The following CLEC2A variants were observed in gnomAD, a reference collection of about 807,000 sequenced individuals.
CLEC2A encodes C-type lectin domain family 2 member A.
Under a neutral mutation model 18.6 loss-of-function variants are expected in CLEC2A, and 19 were observed. The ratio of observed to expected loss-of-function variants is 1.02; its 90% CI spans 0.71 to 1.50. CLEC2A has a LOEUF of 1.50. Among genes scored for constraint, CLEC2A ranks in the 40% most tolerant of loss-of-function variants. The pLI, the probability that CLEC2A is intolerant of heterozygous loss-of-function variation, is 0.00. For missense variants in CLEC2A, 190 were observed against 207.9 expected (o/e 0.91, Z 0.53); for synonymous variants, 74 against 64.0 (o/e 1.16, Z -0.75).
intron 4 of CLEC2A, 80 bp downstream of exon 4, chr12:9,916,620 A>G: frequency 2.2e-6 from 2 of 927,076 alleles, no homozygotes; most frequent in Non-Finnish European, 3.4e-6. Flanking sequence ...ATTTGTTTAT[A>G]ATAATACAAC....
At chr12:9,897,709 A>G (rs901599150), downstream of CLEC2A, among the ~76,000 whole-genome samples, 1 of 152,088 alleles carries the variant, frequency 6.6e-6, no homozygotes, top group Non-Finnish European at 1.5e-5. Context: ...CATTCTCCCA[A>G]TGTGCAAGCA....
chr12:9,928,136 G>A (rs1435500523), intron 1 of CLEC2A, among the ~76,000 whole-genome samples: 1 of 152,174 alleles, frequency 6.6e-6, no homozygotes, highest in African/African-American at 2.4e-5. Context: ...AGAAAGTACA[G>A]TGTAAAATTA....
intron 2 of CLEC2A, among the ~76,000 whole-genome samples, chr12:9,923,338 C>T (rs1335273789): frequency 6.6e-6 from 1 of 152,206 alleles, no homozygotes; most frequent in African/African-American, 2.4e-5. Context: ...CGCTCATCAT[C>T]ACTGGCCATC....
At chr12:9,893,168 G>A in the CLEC2A span, 3 of 1,529,122 alleles carry the variant, frequency 2.0e-6, no homozygotes, top group East Asian at 7.4e-5. Context: ...TGGATGAGCT[G>A]GTGAGAAATC....
chr12:9,922,117 A>G lies in CLEC2A; in HGVS notation c.255T>C (p.Phe85=). The G allele has an allele frequency of 6.4e-7, 1 of 1,551,214 alleles. No individual in the cohort carries two copies. Among genetic ancestry groups the G allele is most frequent in the South Asian group, 1.2e-5 (1 of 83,964 alleles). Residue 85 remains phenylalanine, a synonymous_variant, in exon 3 of 5, where the codon TTT becomes TTC. Coordinates refer to ENST00000455827, the MANE Select transcript of CLEC2A (RefSeq NM_001130711.2). ...CAAGTTCTGCTTTCTGCAAACTACA[A>G]AATATTTTACTGGCTGTCCAATTTC... is the stretch of plus-strand genomic sequence containing the variant. The part of the protein sequence containing the change: ...DTRNWTASKI[F]CSLQKAELAQ...
intron 4 of CLEC2A, 96 bp downstream of exon 4, chr12:9,916,597 GGAAAACA>G (rs141736643): frequency 0.013 from 10,600 of 807,132 alleles, 110 homozygotes; most frequent in Non-Finnish European, 0.016. Flanking sequence ...AATTCCACAT[GGAAAACA>G]GAAAGATTTG....
the CLEC2A span, among the ~76,000 whole-genome samples, chr12:9,892,197 A>G: frequency 6.6e-6 from 1 of 152,170 alleles, no homozygotes; most frequent in East Asian, 1.9e-4. Context: ...AGGTGGAAAT[A>G]TAACTGTATA....
intron 4 of CLEC2A, among the ~76,000 whole-genome samples, chr12:9,915,740 C>T (rs1036977279): frequency 1.3e-4 from 20 of 152,088 alleles, no homozygotes; most frequent in African/African-American, 4.6e-4. Flanking sequence ...TTAGGACAAA[C>T]AGCTAATGCA....
intron 1 of CLEC2A, among the ~76,000 whole-genome samples, chr12:9,931,185 A>G (rs1160848503): frequency 6.6e-6 from 1 of 152,044 alleles, no homozygotes; most frequent in Non-Finnish European, 1.5e-5. Context: ...TACTCTCTAA[A>G]CTCTTAAATC....
chr12:9,915,652 G>A (rs1863058806), intron 4 of CLEC2A, among the ~76,000 whole-genome samples: 3 of 152,110 alleles, frequency 2.0e-5, no homozygotes, highest in South Asian at 4.1e-4. Context: ...GAGTTGAACA[G>A]TGAGAACACA....
intron 4 of CLEC2A, among the ~76,000 whole-genome samples, chr12:9,914,045 T>C (rs1030277324): frequency 1.3e-5 from 2 of 152,232 alleles, no homozygotes; most frequent in African/African-American, 4.8e-5. Context: ...AGAGAGTGTT[T>C]GCCAAATTCA....
intron 3 of CLEC2A, among the ~76,000 whole-genome samples, chr12:9,919,225 A>G (rs1340276237): frequency 6.6e-6 from 1 of 152,206 alleles, no homozygotes; most frequent in African/African-American, 2.4e-5. Context: ...GGAGGCAGCA[A>G]TGGAAGAGAC....
At chr12:9,892,227 G>A in the CLEC2A span, among the ~76,000 whole-genome samples, 1 of 152,134 alleles carries the variant, frequency 6.6e-6, no homozygotes, top group East Asian at 1.9e-4. Context: ...AAGTTAGCGG[G>A]TAAAGAAGGA....
chr12:9,898,726 T>C (rs1591782030), exon 5 of CLEC2A: 1 of 499,942 alleles, frequency 2.0e-6, no homozygotes, highest in Non-Finnish European at 3.6e-6. Context: ...GCCTATTAAC[T>C]GTGAATCAAA....
downstream of CLEC2A, among the ~76,000 whole-genome samples, chr12:9,896,004 C>G (rs867972633): frequency 1.2e-4 from 19 of 152,162 alleles, no homozygotes; most frequent in African/African-American, 3.9e-4. Flanking sequence ...CTGAACAGAA[C>G]TTTTACTCTA....
At chr12:9,898,429 G>T (rs1363603460), downstream of CLEC2A, among the ~76,000 whole-genome samples, 2 of 152,026 alleles carry the variant, frequency 1.3e-5, no homozygotes, top group African/African-American at 4.8e-5. Flanking sequence ...TGCCTTCCCT[G>T]GTATGTAAAC....
At chr12:9,878,358 A>AT in the CLEC2A span, among the ~76,000 whole-genome samples, 1 of 152,154 alleles carries the variant, frequency 6.6e-6, no homozygotes, top group Non-Finnish European at 1.5e-5. Flanking sequence ...CTTTTGTTTT[A>AT]TATGGGCCAA....
intron 4 of CLEC2A, among the ~76,000 whole-genome samples, chr12:9,900,789 C>A (rs1366533952): frequency 6.6e-6 from 1 of 152,126 alleles, no homozygotes; most frequent in African/African-American, 2.4e-5. Context: ...CTTTTATTGG[C>A]TCTGCAAGTC....
At chr12:9,880,308 A>G in the CLEC2A span, among the ~76,000 whole-genome samples, 1 of 152,238 alleles carries the variant, frequency 6.6e-6, no homozygotes, top group Admixed American at 6.5e-5. Context: ...TAAGAGGTAC[A>G]TATAGAGATC....
Sources: gnomAD v4.1 joint callset for allele counts (sites outside exome capture counted in the v4.1 genomes callset) on GRCh38, gnomAD v4.1.1 for gene constraint, MANE v1.5 for transcripts, NCBI Gene and HGNC (gene_info 2026-07-23, HGNC 2026-07-21) for gene names.